The following COL21A1 variants were observed in gnomAD, a reference collection of about 807,000 sequenced individuals.
The protein encoded by COL21A1 is collagen alpha-1(XXI) chain.
COL21A1 carries 149 observed loss-of-function variants against 137.9 expected under a neutral mutation model. The observed-to-expected ratio is 1.08, with a 90% confidence interval of 0.95 to 1.24. The LOEUF (loss-of-function observed/expected upper bound fraction) is 1.24. Ranked by LOEUF, COL21A1 falls within the 50% of genes most tolerant of loss-of-function variation. The probability of loss-of-function intolerance (pLI) is 0.00; values close to 1 mark genes in which losing one functional copy is unlikely to be tolerated. For missense variants in COL21A1, 1,167 were observed against 1,158.4 expected, an observed-to-expected ratio of 1.01 and a Z score of -0.11; for synonymous variants, 456 against 391.5, an observed-to-expected ratio of 1.16 and a Z score of -1.95.
intron 1 of COL21A1, among the ~76,000 whole-genome samples, chr6:56,190,249 T>C (rs148571566): frequency 6.6e-6 from 1 of 152,118 alleles, no homozygotes; most frequent in Non-Finnish European, 1.5e-5. Flanking sequence ...TAAAAAATGA[T>C]ATAGGGGATA....
intron 1 of COL21A1, among the ~76,000 whole-genome samples, chr6:56,216,336 A>T (rs891125787): frequency 3.0e-4 from 46 of 152,194 alleles, no homozygotes; most frequent in African/African-American, 1.1e-3. Context: ...TTTTTAGGAA[A>T]TTCATATTTT....
chr6:56,368,752 G>C (rs1284304542), intron 1 of COL21A1, among the ~76,000 whole-genome samples: 1 of 152,194 alleles, frequency 6.6e-6, no homozygotes, highest in Non-Finnish European at 1.5e-5. Flanking sequence ...CTGTGAGCAA[G>C]TGTCGCTTGG....
intron 1 of COL21A1, among the ~76,000 whole-genome samples, chr6:56,363,125 A>G (rs546197856): frequency 2.6e-5 from 4 of 152,320 alleles, no homozygotes; most frequent in African/African-American, 9.6e-5. Context: ...TATGTGCCCA[A>G]GAAATGGAGA....
intron 1 of COL21A1, among the ~76,000 whole-genome samples, chr6:56,235,584 A>G (rs1781848422): frequency 6.6e-6 from 1 of 151,968 alleles, no homozygotes; most frequent in Non-Finnish European, 1.5e-5. Context: ...GTGATAGTTC[A>G]AAAATGAAAA....
At chr6:56,246,342 A>C (rs1387504695) in intron 1 of COL21A1, among the ~76,000 whole-genome samples, 4 of 152,176 alleles carry the variant, frequency 2.6e-5, no homozygotes, top group Non-Finnish European at 5.9e-5. Context: ...CCTTGGCTTC[A>C]TTTCAACTTT....
chr6:56,215,871 C>T (rs1780448180), intron 1 of COL21A1, among the ~76,000 whole-genome samples: 1 of 152,036 alleles, frequency 6.6e-6, no homozygotes, highest in Admixed American at 6.6e-5. Context: ...CTGCTAATTG[C>T]AAGCAGTCAT....
At chr6:56,135,849 C>T (rs1394472094) in intron 12 of COL21A1, among the ~76,000 whole-genome samples, 1 of 152,148 alleles carries the variant, frequency 6.6e-6, no homozygotes, top group Non-Finnish European at 1.5e-5. Context: ...TTTTATTTGA[C>T]TTTCTTCTTT....
intron 2 of COL21A1, among the ~76,000 whole-genome samples, chr6:56,180,444 T>C (rs1418731170): frequency 1.3e-5 from 2 of 152,220 alleles, no homozygotes; most frequent in Non-Finnish European, 2.9e-5. Flanking sequence ...TTGCATTATA[T>C]CCAAGATGAG....
rs370137546 is a variant in COL21A1, at chr6:56,364,341, C to G, written c.-39+29630G>C. Among the ~76,000 whole-genome samples the G allele has an allele frequency of 3.3e-4, 51 of 152,326 alleles. No individual in the cohort carries two copies. In the South Asian group the frequency reaches 0.011, roughly 32 times the overall value. On this transcript the variant is annotated intron_variant, in intron 1 of 28. Coordinates refer to the COL21A1 transcript ENST00000370819. ...AAAATTAAAACCCTCAATGATTCCT[C>G]TACCTCCATGGAAACAAACAGTTTC...
chr6:56,351,644 T>G (rs982773228), intron 1 of COL21A1, among the ~76,000 whole-genome samples: 4 of 152,190 alleles, frequency 2.6e-5, no homozygotes, highest in Non-Finnish European at 4.4e-5. Context: ...CCTCAAGAAC[T>G]GAACTGTGCA....
intron 17 of COL21A1, among the ~76,000 whole-genome samples, chr6:56,079,517 A>G (rs963031858): frequency 1.3e-5 from 2 of 151,430 alleles, no homozygotes; most frequent in Non-Finnish European, 3.0e-5. Context: ...GTTTCCACGA[A>G]CAGCACCTTG....
intron 10 of COL21A1, among the ~76,000 whole-genome samples, chr6:56,153,726 C>T (rs1775503638): frequency 6.6e-6 from 1 of 152,180 alleles, no homozygotes; most frequent in African/African-American, 2.4e-5. Context: ...TCTTCTGGAT[C>T]TCTTGACAAC....
At chr6:56,370,737 C>G (rs572148684) in intron 1 of COL21A1, among the ~76,000 whole-genome samples, 18 of 152,246 alleles carry the variant, frequency 1.2e-4, no homozygotes, top group African/African-American at 4.3e-4. Context: ...TCTAATATTT[C>G]TTCACATCAC....
intron 1 of COL21A1, among the ~76,000 whole-genome samples, chr6:56,351,310 AG>A (rs906864195): frequency 3.9e-5 from 6 of 152,248 alleles, no homozygotes; most frequent in African/African-American, 1.4e-4. Flanking sequence ...GATACAGAAA[AG>A]GGGGTCCCCG....
intron 1 of COL21A1, among the ~76,000 whole-genome samples, chr6:56,239,366 T>C (rs1782119830): frequency 6.6e-6 from 1 of 152,160 alleles, no homozygotes; most frequent in Non-Finnish European, 1.5e-5. Flanking sequence ...ATCTAAGTAT[T>C]CATTTTTGCA....
intron 25 of COL21A1, chr6:56,061,238 C>A: frequency 1.8e-6 from 1 of 554,274 alleles, no homozygotes; most frequent in East Asian, 3.1e-5. Flanking sequence ...ATCCATCCAA[C>A]CAGCCAGACC....
intron 12 of COL21A1, among the ~76,000 whole-genome samples, chr6:56,137,403 A>T (rs1441992024): frequency 5.3e-5 from 8 of 152,208 alleles, no homozygotes; most frequent in Admixed American, 2.6e-4. Flanking sequence ...AAATAAAAGC[A>T]AAAACAACAA....
In COL21A1 at chr6:56,061,053, A is replaced by T. The variant is rs746399157; in HGVS notation, c.2206-16T>A. The T allele has an allele frequency of 6.4e-7, 1 of 1,566,900 alleles. No individual in the cohort carries two copies. The highest frequency in any genetic ancestry group is 8.6e-7 in the Non-Finnish European group (1 of 1,163,900). On this transcript the variant is annotated splice_polypyrimidine_tract_variant and intron_variant, in intron 25 of 29. Transcript: ENST00000244728. ...TTTCACCTCTCTAAAAGCAAAAGAA[A>T]TCTTTACAAGTTCTATTTAAATATT...
intron 1 of COL21A1, among the ~76,000 whole-genome samples, chr6:56,191,361 C>A (rs146291223): frequency 2.7e-5 from 4 of 150,626 alleles, no homozygotes; most frequent in Non-Finnish European, 4.4e-5. Context: ...CAGAGGTGGG[C>A]GGATCACGAG....
Sources: allele counts gnomAD v4.1 joint callset (sites outside exome capture counted in the v4.1 genomes callset), GRCh38; gene constraint gnomAD v4.1.1; transcripts MANE v1.5; gene names NCBI Gene and HGNC (gene_info 2026-07-23, HGNC 2026-07-21).